Variants in SLC35D1 observed in about 807,000 individuals in gnomAD.
The protein encoded by SLC35D1 is solute carrier family 35 member D1.
SLC35D1 carries 31 observed loss-of-function variants against 46.7 expected under a neutral mutation model. The ratio of observed to expected loss-of-function variants is 0.66; its 90% CI spans 0.50 to 0.90. The LOEUF (loss-of-function observed/expected upper bound fraction) is 0.90, where lower values mean the gene tolerates loss of function less well. Ranked by LOEUF, SLC35D1 falls within the 40% of genes least tolerant of loss-of-function variation. SLC35D1 has a pLI of 0.00. For missense variants in SLC35D1, 397 were observed against 426.2 expected (o/e 0.93, Z 0.60); for synonymous variants, 195 against 164.6 (o/e 1.18, Z -1.41).
intron 10 of SLC35D1, among the ~76,000 whole-genome samples, chr1:67,016,294 C>T (rs11208987): frequency 0.19 from 28,977 of 151,916 alleles, 5,075 homozygotes; most frequent in African/African-American, 0.47. Flanking sequence ...TTTCCATTGA[C>T]AATCATTGTT....
intron 8 of SLC35D1, among the ~76,000 whole-genome samples, chr1:67,037,191 C>A (rs1668141723): frequency 6.6e-6 from 1 of 152,028 alleles, no homozygotes; most frequent in Admixed American, 6.6e-5. Flanking sequence ...ATGGGTTCAT[C>A]TTTTTGTCTT....
chr1:66,998,004 C>T (rs77283738), downstream of SLC35D1, among the ~76,000 whole-genome samples: 701 of 151,712 alleles, frequency 4.6e-3, 3 homozygotes, highest in African/African-American at 0.016. Flanking sequence ...TCCATTAGGA[C>T]GGCTACAATC....
intron 8 of SLC35D1, among the ~76,000 whole-genome samples, chr1:67,032,794 T>G (rs1668044284): frequency 6.6e-6 from 1 of 152,212 alleles, no homozygotes; most frequent in African/African-American, 2.4e-5. Context: ...TAGCTATATT[T>G]TGAAATGAAC....
intron 8 of SLC35D1, among the ~76,000 whole-genome samples, chr1:67,025,818 T>A (rs936414920): frequency 6.6e-6 from 1 of 152,240 alleles, no homozygotes; most frequent in African/African-American, 2.4e-5. Context: ...GAAGCTATTA[T>A]AAGTGGTATT....
rs535892857 is a variant in SLC35D1, at chr1:67,053,870, A to G, written c.144T>C (p.Phe48=). ...CGATCAGGAAGGAGCTCACGCCGTA[A>G]AAGCCGGCGGCCAGCAGCTTCAGAA... ...TVFLKLLAAG[F]YGVSSFLIVV... Residue 48 remains phenylalanine, a synonymous_variant, in exon 1 of 12, where the codon TTT becomes TTC. Transcript: ENST00000235345. 1.2e-6 allele frequency: 2 copies of G among 1,613,590 alleles called. No individual in the cohort carries two copies. Among genetic ancestry groups the G allele is most frequent in the East Asian group, 2.2e-5 (1 of 44,828 alleles).
intron 1 of SLC35D1, among the ~76,000 whole-genome samples, chr1:67,053,238 A>G (rs1645330466): frequency 6.6e-6 from 1 of 152,088 alleles, no homozygotes; most frequent in South Asian, 2.1e-4. Flanking sequence ...CGCTGCCTGC[A>G]AAGGATTTCT....
rs748157482 is a variant in SLC35D1, at chr1:67,053,006, G to GA, written c.204-18dup. On this transcript the variant is annotated splice_polypyrimidine_tract_variant and intron_variant, in intron 1 of 11. Transcript: ENST00000235345. ...GAGGGAAATCTACAAAAAGGGCAAA[G>GA]AAAAAAACAAGATCAGAACAAACCT... 3.1e-6 allele frequency: 5 copies of GA among 1,613,578 alleles called. No individual in the cohort carries two copies. The highest frequency in any genetic ancestry group is 2.7e-5 in the African/African-American group (2 of 74,888).
intron 1 of SLC35D1, 52 bp downstream of exon 1, chr1:67,053,759 G>C (rs1645338888): frequency 7.1e-7 from 1 of 1,417,954 alleles, no homozygotes; most frequent in Non-Finnish European, 9.2e-7. Context: ...CCGCGCCGCC[G>C]CCGCCGCCCG....
At chr1:66,981,015 C>T in the SLC35D1 span, among the ~76,000 whole-genome samples, 7 of 152,194 alleles carry the variant, frequency 4.6e-5, no homozygotes, top group African/African-American at 1.7e-4. Flanking sequence ...GACTTTTATT[C>T]TAGTGGTTTA....
chr1:67,010,080 AG>A (rs1667532700), intron 10 of SLC35D1, among the ~76,000 whole-genome samples: 1 of 152,240 alleles, frequency 6.6e-6, no homozygotes, highest in Non-Finnish European at 1.5e-5. Flanking sequence ...AAACTAACAC[AG>A]GAACAGAAAA....
At chr1:66,984,785 C>G in the SLC35D1 span, 1 of 1,613,870 alleles carries the variant, frequency 6.2e-7, no homozygotes, top group African/African-American at 1.3e-5. Context: ...AGTGAGAGAC[C>G]TGCCAAAAGG....
At chr1:67,041,239 T>G (rs1253133250) in intron 8 of SLC35D1, among the ~76,000 whole-genome samples, 4 of 152,168 alleles carry the variant, frequency 2.6e-5, no homozygotes, top group African/African-American at 9.7e-5. Flanking sequence ...CCTACTTTGG[T>G]GTCATTTTTA....
rs199826694 is a variant in SLC35D1, at chr1:67,049,793, A to G, written c.522T>C (p.Phe174=). The stretch of plus-strand genomic sequence containing the variant: ...GGCCCACATCTTACCTGGCAGCTAC[A>G]AAGGCTCCAATAATCATTGCAAATA... The part of the protein sequence containing the change: ...MTVFAMIIGA[F]VAASSDLAFD... The change falls in exon 6 of 12, where the codon TTT becomes TTC. Residue 174 remains phenylalanine, a synonymous_variant. Transcript: ENST00000235345. 6.2e-7 allele frequency: 1 copy of G among 1,613,810 alleles called. No individual in the cohort carries two copies. The highest frequency in any genetic ancestry group is 1.7e-5 in the Admixed American group (1 of 60,012).
chr1:66,982,912 G>T, the SLC35D1 span, among the ~76,000 whole-genome samples: 1 of 152,224 alleles, frequency 6.6e-6, no homozygotes, highest in Non-Finnish European at 1.5e-5. Context: ...TTCTGAAGTA[G>T]AATAAGATGC....
At chr1:66,984,582 T>A in the SLC35D1 span, 1 of 1,593,026 alleles carries the variant, frequency 6.3e-7, no homozygotes, top group Non-Finnish European at 8.5e-7. Context: ...GAGTGTCATC[T>A]AATGGACCAG....
At chr1:66,988,916 TA>T in the SLC35D1 span, among the ~76,000 whole-genome samples, 1 of 152,320 alleles carries the variant, frequency 6.6e-6, no homozygotes, top group East Asian at 1.9e-4. Context: ...GGTAGAAAAG[TA>T]AAGTGTATTC....
At chr1:66,989,995 C>G in the SLC35D1 span, among the ~76,000 whole-genome samples, 1 of 152,214 alleles carries the variant, frequency 6.6e-6, no homozygotes, top group African/African-American at 2.4e-5. Context: ...GAAACTAGTT[C>G]TGCTTAGGAG....
chr1:67,035,476 G>A (rs1474007447), intron 8 of SLC35D1, among the ~76,000 whole-genome samples: 1 of 152,016 alleles, frequency 6.6e-6, no homozygotes, highest in East Asian at 1.9e-4. Flanking sequence ...CAATCTATTG[G>A]CACACAGTTG....
the SLC35D1 span, among the ~76,000 whole-genome samples, chr1:66,973,252 TG>T: frequency 3.3e-5 from 5 of 152,086 alleles, no homozygotes; most frequent in African/African-American, 1.2e-4. Flanking sequence ...AACTTCTAGT[TG>T]GGGTGTGTAT....
Sources: allele counts gnomAD v4.1 joint callset (sites outside exome capture counted in the v4.1 genomes callset), GRCh38; gene constraint gnomAD v4.1.1; transcripts MANE v1.5; gene names NCBI Gene and HGNC (gene_info 2026-07-23, HGNC 2026-07-21).